The following CACNA2D3 variants were observed in gnomAD, a reference collection of about 807,000 sequenced individuals.
The protein encoded by CACNA2D3 is voltage-dependent calcium channel subunit alpha-2/delta-3.
Under a neutral mutation model 160.6 loss-of-function variants are expected in CACNA2D3, and 60 were observed. That is an observed-to-expected ratio of 0.37 (90% CI 0.30 to 0.46). The LOEUF (loss-of-function observed/expected upper bound fraction) is 0.46. Among genes scored for constraint, CACNA2D3 ranks in the 20% least tolerant of loss-of-function variants. CACNA2D3 has a pLI of 1.00. For missense variants in CACNA2D3, 1,205 were observed against 1,365.0 expected (o/e 0.88, Z 1.85); for synonymous variants, 558 against 492.9 (o/e 1.13, Z -1.75).
intron 27 of CACNA2D3, among the ~76,000 whole-genome samples, chr3:54,960,463 A>T (rs1046861103): frequency 6.6e-6 from 1 of 152,200 alleles, no homozygotes; most frequent in African/African-American, 2.4e-5. Flanking sequence ...CTAAAATATG[A>T]GGTGTTTCTG....
chr3:54,903,977 T>G (rs11130439), intron 27 of CACNA2D3, among the ~76,000 whole-genome samples: 67,798 of 152,058 alleles, frequency 0.45, 16,263 homozygotes, highest in East Asian at 0.8. Flanking sequence ...AGATGCTTAG[T>G]TTGCAAAAAT....
chr3:54,315,199 TC>T (rs1703833623), intron 2 of CACNA2D3, among the ~76,000 whole-genome samples: 1 of 152,188 alleles, frequency 6.6e-6, no homozygotes, highest in African/African-American at 2.4e-5. Context: ...TAATTGAGGT[TC>T]CAGGGCCCCC....
intron 8 of CACNA2D3, among the ~76,000 whole-genome samples, chr3:54,572,067 G>A (rs1702507468): frequency 7.9e-6 from 1 of 126,644 alleles, no homozygotes; most frequent in Non-Finnish European, 1.9e-5. Context: ...CTTATGACTG[G>A]GCTGCCTTCT....
chr3:54,739,799 TTA>T (rs969269476), intron 11 of CACNA2D3, among the ~76,000 whole-genome samples: 2 of 143,372 alleles, frequency 1.4e-5, no homozygotes, highest in African/African-American at 2.8e-5. Context: ...GTGTGTGGAA[TTA>T]TATATATGTG....
intron 35 of CACNA2D3, among the ~76,000 whole-genome samples, chr3:55,068,090 G>T (rs1471010226): frequency 6.6e-6 from 1 of 152,116 alleles, no homozygotes; most frequent in Non-Finnish European, 1.5e-5. Context: ...TAGCGAGGAG[G>T]ACCACACTTG....
At chr3:54,486,701 C>T (rs1349140335) in intron 4 of CACNA2D3, among the ~76,000 whole-genome samples, 1 of 152,144 alleles carries the variant, frequency 6.6e-6, no homozygotes, top group Non-Finnish European at 1.5e-5. Flanking sequence ...TGACCCTTGA[C>T]CCAGGGTGCA....
At chr3:55,067,968 C>T (rs1410888330) in intron 35 of CACNA2D3, among the ~76,000 whole-genome samples, 1 of 152,204 alleles carries the variant, frequency 6.6e-6, no homozygotes, top group Non-Finnish European at 1.5e-5. Context: ...ATCTCCCTCC[C>T]TGTAACCTGT....
chr3:54,191,409 TCATC>T (rs1700981083), intron 2 of CACNA2D3, among the ~76,000 whole-genome samples: 1 of 151,648 alleles, frequency 6.6e-6, no homozygotes, highest in Admixed American at 6.6e-5. Flanking sequence ...ATCATCATCA[TCATC>T]ATCATCATCA....
chr3:54,867,245 T>A (rs377247872), intron 17 of CACNA2D3, among the ~76,000 whole-genome samples: 1 of 152,056 alleles, frequency 6.6e-6, no homozygotes, highest in African/African-American at 2.4e-5. Flanking sequence ...GTTGGACATA[T>A]GAGAATTTAG....
chr3:54,822,790 CCTTT>C (rs71096453), intron 14 of CACNA2D3, among the ~76,000 whole-genome samples: 1,255 of 71,600 alleles, frequency 0.018, 30 homozygotes, highest in Middle Eastern at 0.045. Context: ...TTCTTTCTTT[CCTTT>C]CTTTCTTTCT....
intron 35 of CACNA2D3, among the ~76,000 whole-genome samples, chr3:55,025,971 G>A (rs1425182914): frequency 6.6e-6 from 1 of 151,828 alleles, no homozygotes; most frequent in Non-Finnish European, 1.5e-5. Context: ...TTTGATTGAA[G>A]CATCACACCT....
chr3:54,827,437 C>G (rs1314581457), intron 14 of CACNA2D3, among the ~76,000 whole-genome samples: 1 of 152,208 alleles, frequency 6.6e-6, no homozygotes, highest in African/African-American at 2.4e-5. Context: ...GTTTGAGTAA[C>G]CTTCTCCAGC....
At chr3:54,694,538 A>G (rs759879131) in intron 11 of CACNA2D3, among the ~76,000 whole-genome samples, 3 of 152,192 alleles carry the variant, frequency 2.0e-5, no homozygotes, top group African/African-American at 4.8e-5. Context: ...CTGCTCTGCT[A>G]TTGACATTTG....
At chr3:55,054,751 A>T (rs1704321425) in intron 35 of CACNA2D3, among the ~76,000 whole-genome samples, 1 of 151,916 alleles carries the variant, frequency 6.6e-6, no homozygotes, top group Admixed American at 6.6e-5. Context: ...TCACATGCAT[A>T]GTCAGTTTTG....
At chr3:54,411,039 T>C (rs1465843793) in intron 4 of CACNA2D3, among the ~76,000 whole-genome samples, 1 of 152,176 alleles carries the variant, frequency 6.6e-6, no homozygotes, top group Admixed American at 6.5e-5. Flanking sequence ...GTAGATGTGG[T>C]AGAAATAGCA....
At chr3:54,635,958 G>C (rs1699360906) in intron 10 of CACNA2D3, among the ~76,000 whole-genome samples, 1 of 151,934 alleles carries the variant, frequency 6.6e-6, no homozygotes, top group Non-Finnish European at 1.5e-5. Flanking sequence ...AGACTAAGAG[G>C]TATTTTAGTT....
chr3:54,852,645 G>T (rs1699083367), intron 17 of CACNA2D3, among the ~76,000 whole-genome samples: 1 of 152,106 alleles, frequency 6.6e-6, no homozygotes, highest in South Asian at 2.1e-4. Context: ...CCTGGGCAGT[G>T]CACGTTTGTT....
At chr3:54,755,205 C>A (rs939877918) in intron 12 of CACNA2D3, among the ~76,000 whole-genome samples, 1 of 152,046 alleles carries the variant, frequency 6.6e-6, no homozygotes, top group Non-Finnish European at 1.5e-5. Flanking sequence ...TTCTCCTCAC[C>A]CCTTTGAAGA....
intron 11 of CACNA2D3, among the ~76,000 whole-genome samples, chr3:54,687,791 T>C (rs183162640): frequency 1.9e-3 from 290 of 152,328 alleles, no homozygotes; most frequent in Non-Finnish European, 3.2e-3. Context: ...AGGAGGTATT[T>C]AGTGCAGAGC....
Sources: gnomAD v4.1 joint callset for allele counts (sites outside exome capture counted in the v4.1 genomes callset) on GRCh38, gnomAD v4.1.1 for gene constraint, MANE v1.5 for transcripts, NCBI Gene and HGNC (gene_info 2026-07-23, HGNC 2026-07-21) for gene names.